Variants in ATP10B observed in about 807,000 individuals in gnomAD.
ATP10B encodes the protein phospholipid-transporting ATPase VB.
In ATP10B, 122 loss-of-function variants were observed where a neutral mutation model predicts 141.2. The observed-to-expected ratio is 0.86, with a 90% CI of 0.75 to 1.00. ATP10B has a LOEUF of 1.00. Ranked by LOEUF, ATP10B falls within the 50% of genes least tolerant of loss-of-function variation. The pLI is 0.00. For synonymous variants in ATP10B, 685 were observed against 692.0 expected (o/e 0.99, Z 0.16); for missense variants, 1,876 against 1,825.3 (o/e 1.03, Z -0.51).
chr5:160,701,738 C>T (rs1764693067), intron 3 of ATP10B, among the ~76,000 whole-genome samples: 1 of 151,986 alleles, frequency 6.6e-6, no homozygotes, highest in African/African-American at 2.4e-5. Flanking sequence ...AGTCACCCCT[C>T]TGCCCCAGTG....
intron 3 of ATP10B, chr5:160,692,643 G>A (rs1015959346): frequency 6.6e-6 from 1 of 152,164 alleles, no homozygotes; most frequent in African/African-American, 2.4e-5. Flanking sequence ...TCTGAAGTCC[G>A]GTGAAACAGC....
chr5:160,909,128 G>A, the ATP10B span, among the ~76,000 whole-genome samples: 2,295 of 152,314 alleles, frequency 0.015, 61 homozygotes, highest in African/African-American at 0.051. Context: ...TTGCAATGCA[G>A]TGTGATGAAG....
intron 21 of ATP10B, among the ~76,000 whole-genome samples, chr5:160,602,025 A>T (rs1277164018): frequency 6.6e-6 from 1 of 152,210 alleles, no homozygotes; most frequent in Non-Finnish European, 1.5e-5. Flanking sequence ...GAAATCTGAT[A>T]CAGTTCAGAC....
intron 24 of ATP10B, among the ~76,000 whole-genome samples, chr5:160,574,096 A>G (rs906116414): frequency 1.3e-5 from 2 of 152,190 alleles, no homozygotes; most frequent in African/African-American, 4.8e-5. Context: ...TAACATCTTT[A>G]ACACACTCCC....
the ATP10B span, among the ~76,000 whole-genome samples, chr5:160,872,432 T>C: frequency 6.6e-6 from 1 of 152,218 alleles, no homozygotes; most frequent in Non-Finnish European, 1.5e-5. Flanking sequence ...TTTTGGGTTC[T>C]TGATCATGAA....
At chr5:160,653,782 ATATATAT>A (rs1755383984) in intron 7 of ATP10B, among the ~76,000 whole-genome samples, 1 of 115,338 alleles carries the variant, frequency 8.7e-6, no homozygotes, top group African/African-American at 4.6e-5. Context: ...ACATATATAC[ATATATAT>A]TATATAGACG....
the ATP10B span, among the ~76,000 whole-genome samples, chr5:160,864,958 T>G: frequency 6.6e-6 from 1 of 152,140 alleles, no homozygotes; most frequent in Non-Finnish European, 1.5e-5. Context: ...CCCATGCTCA[T>G]GGATGGGTAG....
chr5:160,649,373 CA>C, intron 7 of ATP10B, 117 bp from the exon 8 acceptor site: 1 of 727,746 alleles, frequency 1.4e-6, no homozygotes, highest in Admixed American at 2.7e-5. Context: ...CATGCTTTGT[CA>C]CACTTTGATA....
At chr5:160,903,958 CT>C in the ATP10B span, among the ~76,000 whole-genome samples, 1 of 152,208 alleles carries the variant, frequency 6.6e-6, no homozygotes, top group South Asian at 2.1e-4. Context: ...GTCAGGATAT[CT>C]ATGGGTCATC....
chr5:160,573,397 G>A (rs1754997639), intron 24 of ATP10B, among the ~76,000 whole-genome samples: 1 of 152,218 alleles, frequency 6.6e-6, no homozygotes, highest in Non-Finnish European at 1.5e-5. Flanking sequence ...GACAGCCTGA[G>A]AAGACGCAGA....
chr5:160,843,562 A>G (rs11951781), intron 1 of ATP10B, among the ~76,000 whole-genome samples: 4,500 of 152,168 alleles, frequency 0.03, 236 homozygotes, highest in African/African-American at 0.1. Flanking sequence ...TAAGCTTACC[A>G]TGCAACTTAA....
chr5:160,608,395 T>C (rs1410607713), intron 18 of ATP10B, among the ~76,000 whole-genome samples: 2 of 152,254 alleles, frequency 1.3e-5, no homozygotes, highest in East Asian at 1.9e-4. Context: ...AACATATATA[T>C]GCATATGTCT....
chr5:160,866,213 G>C, the ATP10B span, among the ~76,000 whole-genome samples: 7 of 152,108 alleles, frequency 4.6e-5, no homozygotes, highest in Admixed American at 1.3e-4. Context: ...TATACATCAT[G>C]GAATACTACT....
chr5:160,782,491 T>C (rs1213482181), intron 2 of ATP10B, among the ~76,000 whole-genome samples: 1 of 142,698 alleles, frequency 7.0e-6, no homozygotes, highest in African/African-American at 2.5e-5. Context: ...TCACTCACTT[T>C]AGGAGCCCAG....
intron 15 of ATP10B, among the ~76,000 whole-genome samples, chr5:160,618,460 A>G (rs1019454): frequency 0.78 from 118,571 of 152,070 alleles, 46,458 homozygotes; most frequent in Middle Eastern, 0.87. Flanking sequence ...CTTATATCAA[A>G]TTAGGTCCCA....
At chr5:160,906,583 G>A in the ATP10B span, among the ~76,000 whole-genome samples, 1 of 152,132 alleles carries the variant, frequency 6.6e-6, no homozygotes, top group Non-Finnish European at 1.5e-5. Flanking sequence ...CTGTAGATTA[G>A]CAGATCTATA....
At chr5:160,791,893 A>T (rs1013928227) in intron 1 of ATP10B, among the ~76,000 whole-genome samples, 6 of 152,038 alleles carry the variant, frequency 3.9e-5, no homozygotes, top group African/African-American at 1.4e-4. Context: ...TTTTTGTGGG[A>T]TTACTGGATG....
At chr5:160,757,269 C>A (rs2127833192) in intron 2 of ATP10B, among the ~76,000 whole-genome samples, 1 of 152,236 alleles carries the variant, frequency 6.6e-6, no homozygotes. Flanking sequence ...TCGGACTCTT[C>A]TGTTCTATTG....
chr5:160,702,079 T>C (rs764996595), intron 3 of ATP10B, among the ~76,000 whole-genome samples: 28 of 152,288 alleles, frequency 1.8e-4, no homozygotes, highest in Non-Finnish European at 3.5e-4. Context: ...CCCTATTGCC[T>C]TGTGAGGACA....
Sources: gnomAD v4.1 joint callset for allele counts (sites outside exome capture counted in the v4.1 genomes callset) on GRCh38, gnomAD v4.1.1 for gene constraint, MANE v1.5 for transcripts, NCBI Gene and HGNC (gene_info 2026-07-23, HGNC 2026-07-21) for gene names.